Variants in GPATCH2 observed in about 807,000 individuals in gnomAD.
GPATCH2 encodes the protein G patch domain-containing protein 2.
GPATCH2 carries 51 observed loss-of-function variants against 58.0 expected under a neutral mutation model. That is an observed-to-expected ratio of 0.88 (90% confidence interval 0.70 to 1.11). The LOEUF is 1.11. Among genes scored for constraint, GPATCH2 ranks in the 50% most tolerant of loss-of-function variants. The pLI is 0.00. For synonymous variants in GPATCH2, 222 were observed against 218.5 expected (o/e 1.02, Z -0.14); for missense variants, 625 against 652.2 (o/e 0.96, Z 0.45).
At chr1:217,532,555 A>G (rs969884841) in intron 5 of GPATCH2, among the ~76,000 whole-genome samples, 54 of 152,310 alleles carry the variant, frequency 3.5e-4, no homozygotes, top group African/African-American at 1.3e-3. Flanking sequence ...AGAGAGCCAC[A>G]ATGAATAAAA....
At chr1:217,525,056 A>C (rs1663815896) in intron 5 of GPATCH2, among the ~76,000 whole-genome samples, 1 of 150,884 alleles carries the variant, frequency 6.6e-6, no homozygotes, top group Non-Finnish European at 1.5e-5. Context: ...AATTCACTTC[A>C]TCCTTTACCC....
intron 8 of GPATCH2, among the ~76,000 whole-genome samples, chr1:217,470,791 ATACT>A (rs1394010244): frequency 2.0e-5 from 3 of 152,192 alleles, no homozygotes; most frequent in East Asian, 3.9e-4. Flanking sequence ...AAGGATCTCT[ATACT>A]TAGACGCCAT....
chr1:217,473,904 AAAAG>A (rs1002965721), intron 8 of GPATCH2, among the ~76,000 whole-genome samples: 2 of 152,212 alleles, frequency 1.3e-5, no homozygotes, highest in African/African-American at 2.4e-5. Flanking sequence ...ACAACAAACT[AAAAG>A]AAAGATTATA....
chr1:217,497,761 A>C (rs935173382), intron 7 of GPATCH2, among the ~76,000 whole-genome samples: 3 of 152,212 alleles, frequency 2.0e-5, no homozygotes, highest in Admixed American at 6.5e-5. Flanking sequence ...ATATGTTTTA[A>C]AACATCACAA....
intron 5 of GPATCH2, among the ~76,000 whole-genome samples, chr1:217,603,125 GT>G (rs1238272780): frequency 6.6e-6 from 1 of 152,076 alleles, no homozygotes; most frequent in African/African-American, 2.4e-5. Flanking sequence ...GCATCATTGT[GT>G]CTAATTACCA....
At chr1:217,570,237 G>C (rs1035110450) in intron 5 of GPATCH2, among the ~76,000 whole-genome samples, 1 of 152,084 alleles carries the variant, frequency 6.6e-6, no homozygotes, top group Non-Finnish European at 1.5e-5. Context: ...TCAGTCTCCT[G>C]AGTAGCTGGG....
intron 6 of GPATCH2, 179 bp from the exon 7 acceptor site, chr1:217,498,574 AG>A: frequency 1.6e-6 from 1 of 623,660 alleles, no homozygotes; most frequent in African/African-American, 1.8e-5. Flanking sequence ...GAACTGTAAA[AG>A]TGCTCATAAC....
At chr1:217,530,326 T>A (rs1183807092) in intron 5 of GPATCH2, among the ~76,000 whole-genome samples, 3 of 152,216 alleles carry the variant, frequency 2.0e-5, no homozygotes, top group African/African-American at 7.2e-5. Context: ...AATTGCTTCA[T>A]CTACAAAATG....
At chr1:217,533,386 C>T (rs1558464661) in intron 5 of GPATCH2, among the ~76,000 whole-genome samples, 1 of 152,118 alleles carries the variant, frequency 6.6e-6, no homozygotes, top group Non-Finnish European at 1.5e-5. Context: ...CTAGAAAATA[C>T]CACTGCACAG....
At chr1:217,497,275 A>G (rs1662058677) in intron 7 of GPATCH2, among the ~76,000 whole-genome samples, 2 of 152,188 alleles carry the variant, frequency 1.3e-5, no homozygotes, top group South Asian at 4.1e-4. Context: ...TATTGTAAAT[A>G]ATAAGAGGAA....
chr1:217,562,487 C>T (rs1405285589), intron 5 of GPATCH2, among the ~76,000 whole-genome samples: 1 of 152,124 alleles, frequency 6.6e-6, no homozygotes, highest in African/African-American at 2.4e-5. Context: ...GACAGAGAAA[C>T]ACTGATCAAG....
Position 217,427,765 on chromosome 1 carries a change from G to A in GPATCH2, c.*3380C>T, listed in dbSNP as rs1470028570. 6.6e-6 allele frequency: 1 copy of A among 152,056 alleles called. No individual in the cohort carries two copies. The highest frequency in any genetic ancestry group is 1.5e-5 in the Non-Finnish European group (1 of 67,982). 9.4% of individuals were successfully genotyped at this position (152,056 alleles called of 1,614,324 possible). A position where few individuals can be genotyped will look rare whatever the true frequency, so the allele number is the denominator to read the frequency against. On this transcript the variant is annotated 3_prime_UTR_variant, in exon 10 of 10. Transcript: ENST00000366935. ...TGCTCAAAATAAAGTGTACTGAATA[G>A]AAGCAATTGTCAGTTCAATTTACAA...
intron 8 of GPATCH2, among the ~76,000 whole-genome samples, chr1:217,457,080 A>G (rs1437659820): frequency 6.6e-6 from 1 of 152,250 alleles, no homozygotes; most frequent in Non-Finnish European, 1.5e-5. Flanking sequence ...AAAGAAAAAC[A>G]ATGGTATTGA....
At chr1:217,553,245 C>T (rs185796984) in intron 5 of GPATCH2, among the ~76,000 whole-genome samples, 1 of 152,238 alleles carries the variant, frequency 6.6e-6, no homozygotes, top group Admixed American at 6.5e-5. Flanking sequence ...AGCTACCTAT[C>T]AGTAGCTAAA....
At chr1:217,512,798 A>G (rs1662918660) in intron 6 of GPATCH2, among the ~76,000 whole-genome samples, 1 of 152,222 alleles carries the variant, frequency 6.6e-6, no homozygotes, top group Non-Finnish European at 1.5e-5. Flanking sequence ...TTCACCAACA[A>G]GAAATGGGCT....
At chr1:217,564,138 A>G (rs1028503045) in intron 5 of GPATCH2, among the ~76,000 whole-genome samples, 15 of 151,692 alleles carry the variant, frequency 9.9e-5, no homozygotes, top group African/African-American at 3.6e-4. Context: ...GTTGTGAATT[A>G]CTCAAAGAGT....
chr1:217,574,723 T>TAC (rs2102727098), intron 5 of GPATCH2, among the ~76,000 whole-genome samples: 1 of 152,240 alleles, frequency 6.6e-6, no homozygotes, highest in South Asian at 2.1e-4. Context: ...CTTGCAAAAG[T>TAC]AGAAACAAAG....
In GPATCH2 at chr1:217,427,975, T is replaced by C. The variant is rs1571683541; in HGVS notation, c.*3170A>G. On this transcript the variant is annotated 3_prime_UTR_variant, in exon 10 of 10. Transcript: ENST00000366935. Reference sequence around the variant, plus strand: ...AGTTATAAAATATATGGTATTTAAATGCTGAGACCAATTTATTGGCAGATT... The same window carrying C: ...AGTTATAAAATATATGGTATTTAAACGCTGAGACCAATTTATTGGCAGATT... 6.6e-6 allele frequency: 1 copy of C among 152,220 alleles called. No individual in the cohort carries two copies. The highest frequency in any genetic ancestry group is 2.1e-4 in the South Asian group (1 of 4,836). 9.4% of individuals were successfully genotyped at this position (152,220 alleles called of 1,614,324 possible). A position where few individuals can be genotyped will look rare whatever the true frequency, so the allele number is the denominator to read the frequency against.
intron 8 of GPATCH2, among the ~76,000 whole-genome samples, chr1:217,483,174 T>A (rs1355079279): frequency 1.3e-5 from 2 of 152,166 alleles, no homozygotes; most frequent in Non-Finnish European, 2.9e-5. Flanking sequence ...TGTATACCAA[T>A]CTTGTTTTGT....
Sources: allele counts gnomAD v4.1 joint callset (sites outside exome capture counted in the v4.1 genomes callset), GRCh38; gene constraint gnomAD v4.1.1; transcripts MANE v1.5; gene names NCBI Gene and HGNC (gene_info 2026-07-23, HGNC 2026-07-21).